The following PLEKHA7 variants were observed in gnomAD, a reference collection of about 807,000 sequenced individuals.
PLEKHA7 encodes pleckstrin homology domain containing A7.
In PLEKHA7, 104 loss-of-function variants were observed where a neutral mutation model predicts 170.0. The ratio of observed to expected loss-of-function variants is 0.61; its 90% confidence interval spans 0.52 to 0.72. PLEKHA7 has a LOEUF of 0.72. Among genes scored for constraint, PLEKHA7 ranks in the 30% least tolerant of loss-of-function variants. PLEKHA7 has a pLI of 0.00. For missense variants in PLEKHA7, 1,615 were observed against 1,671.7 expected (o/e 0.97, Z 0.59); for synonymous variants, 648 against 660.8 (o/e 0.98, Z 0.30).
At position 16,791,215 on chromosome 11, in the gene PLEKHA7, A is replaced by G; in HGVS notation, c.2746-16T>C. The G allele has an allele frequency of 6.4e-7, 1 of 1,573,572 alleles. No individual in the cohort carries two copies. The highest frequency in any genetic ancestry group is 8.6e-7 in the Non-Finnish European group (1 of 1,159,258). On this transcript the variant is annotated splice_polypyrimidine_tract_variant and intron_variant, in intron 19 of 26. Coordinates refer to ENST00000531066, the MANE Select transcript of PLEKHA7 (RefSeq NM_001329630.2). This position sits in a 1 kb window ranked among gnomAD's most constrained non-coding sequence, Gnocchi z 4.5. ...CTTCATCTTCCTGCTGAGAAAGAGA[A>G]CCAGACCAGTGGTCAGCGAGACGGA... is the stretch of plus-strand genomic sequence containing the variant.
chr11:16,841,125 C>T (rs1851922023), intron 9 of PLEKHA7, among the ~76,000 whole-genome samples: 1 of 152,198 alleles, frequency 6.6e-6, no homozygotes, highest in Admixed American at 6.5e-5. Flanking sequence ...CCAACAGACT[C>T]AGGAATTTCA....
chr11:16,907,669 G>C (rs1314952857), intron 3 of PLEKHA7, among the ~76,000 whole-genome samples: 1 of 128,506 alleles, frequency 7.8e-6, no homozygotes, highest in African/African-American at 2.8e-5. Flanking sequence ...CCGGCCAGCC[G>C]CCCCGTCCGG....
At chr11:16,959,377 A>C (rs1395586827) in intron 3 of PLEKHA7, among the ~76,000 whole-genome samples, 1 of 152,224 alleles carries the variant, frequency 6.6e-6, no homozygotes, top group Non-Finnish European at 1.5e-5. Flanking sequence ...TGACAACTGG[A>C]AAGAAAATTC....
chr11:16,901,516 G>A lies in PLEKHA7; in HGVS notation c.222-30334C>T, dbSNP rs1161188116. Among the ~76,000 whole-genome samples the A allele has an allele frequency of 3.3e-5, 5 of 151,908 alleles. No homozygotes were observed. In the South Asian group the frequency reaches 6.2e-4, roughly 19 times the overall value. On this transcript the variant is annotated intron_variant, in intron 3 of 26. Coordinates refer to ENST00000531066, the MANE Select transcript of PLEKHA7 (RefSeq NM_001329630.2). Reference sequence around the variant, plus strand: ...CCCAATATGTCTTTTCTCTTTTTTCGGGGGTGGGAAGGAACAGCTTTATTG... The same window carrying A: ...CCCAATATGTCTTTTCTCTTTTTTCAGGGGTGGGAAGGAACAGCTTTATTG...
chr11:16,906,224 TAGGAAGGAAGGA>T (rs199992587), intron 3 of PLEKHA7, among the ~76,000 whole-genome samples: 7,596 of 115,872 alleles, frequency 0.066, 291 homozygotes, highest in African/African-American at 0.095. Context: ...TAAAATGAGG[TAGGAAGGAAGGA>T]AGGAAGGAAG....
chr11:17,014,265 GCCCCCGCGCCCCCA>G, intron 1 of PLEKHA7, 37 bp downstream of exon 1: 2 of 720,600 alleles, frequency 2.8e-6, no homozygotes, highest in Non-Finnish European at 4.2e-6. Context: ...CCCGGCCCCC[GCCCCCGCGCCCCCA>G]CCCGCGTCCC....
intron 9 of PLEKHA7, among the ~76,000 whole-genome samples, chr11:16,839,252 T>A (rs451096): frequency 0.62 from 94,422 of 151,790 alleles, 29,987 homozygotes; most frequent in East Asian, 0.87. Context: ...CACAAAAGAA[T>A]CCTATATATT....
In PLEKHA7 at chr11:16,789,521, C is replaced by T; in HGVS notation, c.3157-225G>A. The T allele has an allele frequency of 1.6e-6, 1 of 619,680 alleles. No individual in the cohort carries two copies. Among genetic ancestry groups the T allele is most frequent in the Non-Finnish European group, 2.8e-6 (1 of 354,096 alleles). The allele number at this position is 619,680 out of a possible 1,614,324, so 38.4% of individuals were successfully genotyped here. On this transcript the variant is annotated intron_variant, in intron 22 of 26. Transcript: ENST00000531066. This position sits in a 1 kb window ranked among gnomAD's most constrained non-coding sequence, Gnocchi z 4.6. ...CATTCTGCAGATGCAGACACTTAGG[C>T]TCAGGCCTGTCCAGTGAGGCCAGAA...
intron 3 of PLEKHA7, among the ~76,000 whole-genome samples, chr11:16,899,374 G>A (rs761874651): frequency 1.3e-5 from 2 of 152,176 alleles, no homozygotes; most frequent in African/African-American, 2.4e-5. Context: ...GCACATGCTT[G>A]TAATCCCAGC....
chr11:16,859,436 A>C (rs1853751676), intron 4 of PLEKHA7, among the ~76,000 whole-genome samples: 1 of 152,226 alleles, frequency 6.6e-6, no homozygotes, highest in South Asian at 2.1e-4. Context: ...AAAGTCTCAA[A>C]AACAATTTTC....
At chr11:16,846,132 A>G (rs1852387698) in intron 8 of PLEKHA7, among the ~76,000 whole-genome samples, 1 of 152,054 alleles carries the variant, frequency 6.6e-6, no homozygotes, top group African/African-American at 2.4e-5. Context: ...TAAAAACACA[A>G]AAATTAGCCT....
chr11:16,929,232 A>G (rs901533301), intron 3 of PLEKHA7, among the ~76,000 whole-genome samples: 1 of 152,206 alleles, frequency 6.6e-6, no homozygotes, highest in Non-Finnish European at 1.5e-5. Flanking sequence ...CAGAAAGTAC[A>G]TCGTCGCTAG....
intron 25 of PLEKHA7, 119 bp from the exon 26 acceptor site, chr11:16,783,015 T>C: frequency 9.1e-7 from 1 of 1,097,714 alleles, no homozygotes. Context: ...ACAAAAACTG[T>C]GGTACTTTCT....
At chr11:16,782,266 A>C (rs1277598292) in intron 26 of PLEKHA7, among the ~76,000 whole-genome samples, 1 of 152,140 alleles carries the variant, frequency 6.6e-6, no homozygotes, top group Non-Finnish European at 1.5e-5. Context: ...GGCACAGTAC[A>C]CTGTGATGAG....
At position 16,805,170 on chromosome 11, in the gene PLEKHA7, C is replaced by T. The variant is rs561228878; in HGVS notation, c.2008-1875G>A. On this transcript the variant is annotated intron_variant, in intron 13 of 26. Transcript: ENST00000531066. ...GATACACTCTGGGGATTCTTTCCCC[C>T]AGCAAAACTCTTCCCCTTATTTCAC... Among the ~76,000 whole-genome samples the T allele has an allele frequency of 1.6e-4, 24 of 152,270 alleles. No homozygotes were observed. In the South Asian group the frequency reaches 2.9e-3, roughly 18 times the overall value.
chr11:16,823,507 CTACAGACTG>C (rs999808962), intron 10 of PLEKHA7, among the ~76,000 whole-genome samples: 3 of 152,188 alleles, frequency 2.0e-5, no homozygotes, highest in African/African-American at 7.2e-5. Flanking sequence ...TAGAATTCCT[CTACAGACTG>C]TACCCACATT....
intron 9 of PLEKHA7, among the ~76,000 whole-genome samples, chr11:16,836,109 A>C (rs2135157003): frequency 6.6e-6 from 1 of 152,350 alleles, no homozygotes; most frequent in East Asian, 1.9e-4. Context: ...TATGAATCTC[A>C]GAGCTTCTAG....
At chr11:16,995,916 T>C (rs776193201) in intron 3 of PLEKHA7, among the ~76,000 whole-genome samples, 41 of 152,214 alleles carry the variant, frequency 2.7e-4, no homozygotes, top group Non-Finnish European at 5.4e-4. Context: ...AGGATGTTCA[T>C]TGCCCTCCCT....
At chr11:16,819,367 G>C in intron 10 of PLEKHA7, among the ~76,000 whole-genome samples, 1 of 152,284 alleles carries the variant, frequency 6.6e-6, no homozygotes, top group Non-Finnish European at 1.5e-5. Flanking sequence ...CAAAGTGCTG[G>C]GATTACAGGC....
Sources: gnomAD v4.1 joint callset for allele counts (sites outside exome capture counted in the v4.1 genomes callset) on GRCh38, gnomAD v4.1.1 for gene constraint, Gnocchi (gnomAD v3.1) non-coding constraint, MANE v1.5 for transcripts, NCBI Gene and HGNC (gene_info 2026-07-23, HGNC 2026-07-21) for gene names.